OSBPL8: variants seen among roughly 807,000 people sequenced by gnomAD.
OSBPL8 encodes oxysterol binding protein like 8, also known as oxysterol-binding protein-related protein 8.
OSBPL8 carries 59 observed loss-of-function variants against 125.5 expected under a neutral mutation model. That is an observed-to-expected ratio of 0.47 (90% CI 0.38 to 0.58). The LOEUF (loss-of-function observed/expected upper bound fraction) is 0.58, where lower values mean the gene tolerates loss of function less well. OSBPL8 is among the 20% of genes least tolerant of loss of function. The pLI is 0.00. For missense variants in OSBPL8, 758 were observed against 1,047.8 expected (o/e 0.72, Z 3.82); for synonymous variants, 330 against 338.9 (o/e 0.97, Z 0.29).
intron 10 of OSBPL8, 63 bp from the exon 11 acceptor site, chr12:76,390,720 A>G (rs752495964): frequency 4.2e-6 from 4 of 948,598 alleles, no homozygotes; most frequent in Admixed American, 3.8e-5. Context: ...ATTCATAAAT[A>G]ATAATTATAT....
intron 15 of OSBPL8, 66 bp from the exon 16 acceptor site, chr12:76,378,616 A>G (rs1304734439): frequency 8.7e-6 from 10 of 1,152,546 alleles, no homozygotes; most frequent in African/African-American, 3.1e-5. Flanking sequence ...CAAACAAAAT[A>G]TATTTAGAAC....
At chr12:76,448,923 G>T (rs1873045182) in intron 4 of OSBPL8, among the ~76,000 whole-genome samples, 1 of 152,194 alleles carries the variant, frequency 6.6e-6, no homozygotes. Flanking sequence ...TGAGGCAGGA[G>T]AATCGCTTGA....
intron 4 of OSBPL8, among the ~76,000 whole-genome samples, chr12:76,448,870 G>T (rs1402978506): frequency 1.3e-5 from 2 of 152,116 alleles, no homozygotes; most frequent in Non-Finnish European, 2.9e-5. Flanking sequence ...AAAATTAGCT[G>T]GGCATGGTGG....
rs11459293 is a variant in OSBPL8, at chr12:76,369,312, G to GAA, written c.2241-13_2241-12dup. 44,512 of 1,304,124 alleles carry GAA rather than the reference G, an allele frequency of 0.034. 1 individual carries two copies. The highest frequency in any genetic ancestry group is 0.12 in the East Asian group (4,112 of 33,460). 80.8% of individuals were successfully genotyped at this position (1,304,124 alleles called of 1,614,324 possible). A position where few individuals can be genotyped will look rare whatever the true frequency, so the allele number is the denominator to read the frequency against. On this transcript the variant is annotated splice_polypyrimidine_tract_variant and intron_variant, in intron 20 of 23. Coordinates refer to ENST00000261183, the MANE Select transcript of OSBPL8 (RefSeq NM_020841.5). ...TCCCATGGTCGGGTACTACATAAAT[G>GAA]AAAAAAAAAAAAACCATTTGCTCAA...
At chr12:76,392,790 A>C in intron 9 of OSBPL8, 38 bp from the exon 10 acceptor site, 3 of 1,529,130 alleles carry the variant, frequency 2.0e-6, no homozygotes, top group South Asian at 2.5e-5. Flanking sequence ...ATAATTTTTA[A>C]AACTATGAAA....
intron 1 of OSBPL8, among the ~76,000 whole-genome samples, chr12:76,510,038 C>T (rs1880819606): frequency 6.6e-6 from 1 of 152,182 alleles, no homozygotes; most frequent in Non-Finnish European, 1.5e-5. Context: ...TAAATACATA[C>T]TACTGTGCTT....
intron 4 of OSBPL8, among the ~76,000 whole-genome samples, chr12:76,442,914 T>C (rs1052060954): frequency 3.3e-5 from 5 of 152,132 alleles, no homozygotes; most frequent in South Asian, 4.1e-4. Context: ...CATCAGTAAA[T>C]TGTATGAAAG....
intron 15 of OSBPL8, among the ~76,000 whole-genome samples, chr12:76,380,081 T>C (rs576023589): frequency 1.3e-5 from 2 of 152,336 alleles, no homozygotes; most frequent in Non-Finnish European, 2.9e-5. Context: ...AAGACCTTTC[T>C]TGTTCTTTTT....
At chr12:76,441,915 C>T (rs554373160) in intron 4 of OSBPL8, among the ~76,000 whole-genome samples, 105 of 152,098 alleles carry the variant, frequency 6.9e-4, no homozygotes, top group African/African-American at 2.4e-3. Flanking sequence ...TTTAATTGTA[C>T]ATTTTAAAGT....
At chr12:76,454,449 G>C (rs867954817) in intron 3 of OSBPL8, among the ~76,000 whole-genome samples, 8 of 152,286 alleles carry the variant, frequency 5.3e-5, no homozygotes, top group Admixed American at 2.0e-4. Flanking sequence ...AGCTACTCAG[G>C]AGGCTGAGGT....
intron 4 of OSBPL8, among the ~76,000 whole-genome samples, chr12:76,428,997 T>C (rs1870493541): frequency 6.6e-6 from 1 of 152,136 alleles, no homozygotes; most frequent in Admixed American, 6.5e-5. Flanking sequence ...AGTAGTTTCT[T>C]AGCTGTAGTT....
At chr12:76,438,716 C>T (rs1172394293) in intron 4 of OSBPL8, among the ~76,000 whole-genome samples, 1 of 152,038 alleles carries the variant, frequency 6.6e-6, no homozygotes, top group East Asian at 1.9e-4. Context: ...AATATGTTTT[C>T]TTTATTAGTA....
intron 1 of OSBPL8, among the ~76,000 whole-genome samples, chr12:76,523,945 A>G (rs1451005256): frequency 6.6e-6 from 1 of 152,232 alleles, no homozygotes; most frequent in Admixed American, 6.5e-5. Flanking sequence ...ATGGCAAAGC[A>G]TAACTTCCCT....
At chr12:76,448,444 T>C (rs907466015) in intron 4 of OSBPL8, among the ~76,000 whole-genome samples, 1 of 152,168 alleles carries the variant, frequency 6.6e-6, no homozygotes. Context: ...AAAATTCTGA[T>C]GCACAGTGCA....
chr12:76,539,527 T>C (rs1950587258), intron 1 of OSBPL8, among the ~76,000 whole-genome samples: 1 of 152,040 alleles, frequency 6.6e-6, no homozygotes, highest in African/African-American at 2.4e-5. Context: ...ATCAGCAACT[T>C]AAGACACTGA....
intron 8 of OSBPL8, among the ~76,000 whole-genome samples, chr12:76,396,248 C>T (rs1394446880): frequency 2.0e-5 from 3 of 151,928 alleles, no homozygotes; most frequent in Non-Finnish European, 2.9e-5. Flanking sequence ...CTGTGACTCC[C>T]GACTACTGAA....
intron 2 of OSBPL8, among the ~76,000 whole-genome samples, chr12:76,464,190 G>A (rs1875092832): frequency 1.3e-5 from 2 of 152,082 alleles, no homozygotes; most frequent in African/African-American, 4.8e-5. Flanking sequence ...GACTGCTTGA[G>A]CCCAGGAGTT....
At chr12:76,365,074 G>A (rs1267168932) in intron 21 of OSBPL8, among the ~76,000 whole-genome samples, 1 of 152,034 alleles carries the variant, frequency 6.6e-6, no homozygotes, top group African/African-American at 2.4e-5. Context: ...TCCCATCTCA[G>A]CTTCCCGAGT....
At position 76,390,759 on chromosome 12, in the gene OSBPL8, CCAGA is replaced by C. The variant is rs1295626141; in HGVS notation, c.930-106_930-103del. On this transcript the variant is annotated intron_variant, in intron 10 of 23. Coordinates refer to ENST00000261183, the MANE Select transcript of OSBPL8 (RefSeq NM_020841.5). Reference sequence around the variant, plus strand: ...ACATTTATTGAGAATTTACTATGTGCCAGACAGTGTTCTAAGTGTTTTACATAGT... The same window carrying C: ...ACATTTATTGAGAATTTACTATGTGCCAGTGTTCTAAGTGTTTTACATAGT... 38 of 728,734 alleles carry C rather than the reference CCAGA, an allele frequency of 5.2e-5. No homozygotes were observed. In the African/African-American group the frequency reaches 6.2e-4, roughly 12 times the overall value. 45.1% of individuals were successfully genotyped at this position (728,734 alleles called of 1,614,324 possible). A position where few individuals can be genotyped will look rare whatever the true frequency, so the allele number is the denominator to read the frequency against.
Sources: allele counts gnomAD v4.1 joint callset (sites outside exome capture counted in the v4.1 genomes callset), GRCh38; gene constraint gnomAD v4.1.1; transcripts MANE v1.5; gene names NCBI Gene and HGNC (gene_info 2026-07-23, HGNC 2026-07-21).